The following KCNQ1 variants were observed in gnomAD, a reference collection of about 807,000 sequenced individuals.
KCNQ1 encodes the protein potassium voltage-gated channel subfamily Q member 1.
A neutral mutation model predicts 72.4 loss-of-function variants in KCNQ1; 49 were observed. The observed-to-expected ratio is 0.68, with a 90% CI of 0.54 to 0.86. The LOEUF is 0.86. Among genes scored for constraint, KCNQ1 ranks in the 40% least tolerant of loss-of-function variants. The pLI, the probability that KCNQ1 is intolerant of heterozygous loss-of-function variation, is 0.00. For missense variants in KCNQ1, 790 were observed against 945.1 expected, an observed-to-expected ratio of 0.84 and a Z score of 2.15; for synonymous variants, 450 against 412.6, an observed-to-expected ratio of 1.09 and a Z score of -1.10.
In KCNQ1 at chr11:2,720,696, C is replaced by T. The variant is rs1281613815; in HGVS notation, c.1515-48148C>T. 3.3e-5 allele frequency among the ~76,000 whole-genome samples: 5 copies of T among 152,178 alleles called. No individual in the cohort carries two copies. The highest frequency in any genetic ancestry group is 9.7e-5 in the African/African-American group (4 of 41,436). On this transcript the variant is annotated intron_variant, in intron 11 of 15. Transcript: ENST00000155840. This position sits in a 1 kb window ranked among gnomAD's most constrained non-coding sequence, Gnocchi z 5.1. ...CAGCATTAGCCACCACCAGCCCCTT[C>T]CCCCTTTTGCAGGGCGGCTCCCAGA...
rs982209684 is a variant in KCNQ1 at position 2,450,972 on chromosome 11, A to T, written c.386+5488A>T. Among the ~76,000 whole-genome samples, 4 of 151,862 alleles carry T rather than the reference A, an allele frequency of 2.6e-5. No homozygotes were observed. The highest frequency in any genetic ancestry group is 9.7e-5 in the African/African-American group (4 of 41,288). Reference sequence around the variant, plus strand: ...GGAGGTGGGGAAGATCCATGATGGGACCCAGGTGTCTTCCCACTTCTCGAC... The same window carrying T: ...GGAGGTGGGGAAGATCCATGATGGGTCCCAGGTGTCTTCCCACTTCTCGAC... On this transcript the variant is annotated intron_variant, in intron 1 of 15. Coordinates refer to ENST00000155840, the MANE Select transcript of KCNQ1 (RefSeq NM_000218.3). This position sits in a 1 kb window ranked among gnomAD's most constrained non-coding sequence, Gnocchi z 7.9.
chr11:2,733,641 C>T (rs1339471443), intron 11 of KCNQ1, among the ~76,000 whole-genome samples: 2 of 151,960 alleles, frequency 1.3e-5, no homozygotes, highest in African/African-American at 4.8e-5. Context: ...AACAGCCAGG[C>T]CTGGGCAGCC....
rs1469061668 is a variant in KCNQ1 at position 2,787,579 on chromosome 11, TTACAA to T, written c.1794+9545_1794+9549del. Among the ~76,000 whole-genome samples, 1 of 152,192 alleles carries T rather than the reference TTACAA, an allele frequency of 6.6e-6. No individual in the cohort carries two copies. Among genetic ancestry groups the T allele is most frequent in the African/African-American group, 2.4e-5 (1 of 41,458 alleles). On this transcript the variant is annotated intron_variant, in intron 15 of 15. Transcript: ENST00000155840. This position sits in a 1 kb window ranked among gnomAD's most constrained non-coding sequence, Gnocchi z 6.3. ...ATTTAAAAGAAATAAGTAAAATTGA[TTACAA>T]TAATATATTTTATTTAACCCAATAG...
rs1027701196 is a variant in KCNQ1 at position 2,787,974 on chromosome 11, G to A, written c.1794+9937G>A. ...TTCAGCTATGGGACAGCGCTGCTTT[G>A]GACGGGCATGGCCGTGCGCGCGTGT... On this transcript the variant is annotated intron_variant, in intron 15 of 15. Coordinates refer to ENST00000155840, the MANE Select transcript of KCNQ1 (RefSeq NM_000218.3). This position sits in a 1 kb window ranked among gnomAD's most constrained non-coding sequence, Gnocchi z 6.3. Among the ~76,000 whole-genome samples, 1 of 152,186 alleles carries A rather than the reference G, an allele frequency of 6.6e-6. No individual in the cohort carries two copies. The highest frequency in any genetic ancestry group is 1.5e-5 in the Non-Finnish European group (1 of 68,040).
At position 2,711,310 on chromosome 11, in the gene KCNQ1, A is replaced by C. The variant is rs1851001091; in HGVS notation, c.1514+49229A>C. Among the ~76,000 whole-genome samples the C allele has an allele frequency of 6.6e-6, 1 of 152,098 alleles. No individual in the cohort carries two copies. The highest frequency in any genetic ancestry group is 1.5e-5 in the Non-Finnish European group (1 of 68,010). On this transcript the variant is annotated intron_variant, in intron 11 of 15. Coordinates refer to ENST00000155840, the MANE Select transcript of KCNQ1 (RefSeq NM_000218.3). The surrounding 1 kb of genome is among the most constrained non-coding windows in gnomAD (Gnocchi z 5.4). ...GAGTCTCTCCCCGACTCCAGGGCTCATGGCCCCTTTCAGGCCCTTGGCTTC... is the reference window on the plus strand; with the variant it reads ...GAGTCTCTCCCCGACTCCAGGGCTCCTGGCCCCTTTCAGGCCCTTGGCTTC...
intron 8 of KCNQ1, among the ~76,000 whole-genome samples, chr11:2,586,925 G>A (rs1589968108): frequency 3.9e-5 from 6 of 152,212 alleles, no homozygotes; most frequent in Admixed American, 2.6e-4. Context: ...CTGCTCCCCC[G>A]CCGGGTCCCC....
intron 10 of KCNQ1, chr11:2,618,717 A>C (rs1195684369): frequency 2.5e-6 from 1 of 398,448 alleles, no homozygotes; most frequent in Non-Finnish European, 4.4e-6. Context: ...AGAATTTAAA[A>C]AAATTTTCCA....
At chr11:2,454,288 T>G (rs1846154931) in intron 1 of KCNQ1, among the ~76,000 whole-genome samples, 1 of 152,206 alleles carries the variant, frequency 6.6e-6, no homozygotes, top group Admixed American at 6.5e-5. Context: ...GATTTCACTT[T>G]GAAGCCATGT....
At chr11:2,530,310 G>A (rs991813839) in intron 2 of KCNQ1, among the ~76,000 whole-genome samples, 12 of 152,202 alleles carry the variant, frequency 7.9e-5, no homozygotes, top group African/African-American at 2.2e-4. Flanking sequence ...GTTCTGCCCC[G>A]GCCAACTGAC....
rs921787266 is a variant in KCNQ1 at position 2,673,569 on chromosome 11, A to G, written c.1514+11488A>G. 4.0e-5 allele frequency: 16 copies of G among 398,618 alleles called. No homozygotes were observed. Among genetic ancestry groups the G allele is most frequent in the African/African-American group, 2.9e-4 (14 of 48,642 alleles). 24.7% of individuals were successfully genotyped at this position (398,618 alleles called of 1,614,324 possible). Reference sequence around the variant, plus strand: ...ATCCCCTCCCTGGCCATGCAGGTGGAAGACCCTATTACTTGGGCTAAAGAG... The same window carrying G: ...ATCCCCTCCCTGGCCATGCAGGTGGGAGACCCTATTACTTGGGCTAAAGAG... On this transcript the variant is annotated intron_variant, in intron 11 of 15. Transcript: ENST00000155840. This position sits in a 1 kb window ranked among gnomAD's most constrained non-coding sequence, Gnocchi z 4.5.
intron 12 of KCNQ1, among the ~76,000 whole-genome samples, chr11:2,774,006 C>G (rs984971469): frequency 4.6e-5 from 7 of 151,872 alleles, no homozygotes; most frequent in Non-Finnish European, 7.4e-5. Context: ...AAGACAGAGA[C>G]AGGGTTCAGC....
intron 5 of KCNQ1, among the ~76,000 whole-genome samples, 178 bp from the exon 6 acceptor site, chr11:2,572,668 C>G (rs1027025309): frequency 6.6e-6 from 1 of 152,254 alleles, no homozygotes; most frequent in African/African-American, 2.4e-5. Context: ...AACCCCCACC[C>G]GCCACTTACC....
At chr11:2,738,824 C>T (rs776820447) in intron 11 of KCNQ1, among the ~76,000 whole-genome samples, 32 of 152,222 alleles carry the variant, frequency 2.1e-4, no homozygotes, top group Non-Finnish European at 3.2e-4. Flanking sequence ...ACTGGCCTTC[C>T]GCAGACACTC....
At position 2,623,949 on chromosome 11, in the gene KCNQ1, A is replaced by G; in HGVS notation, c.1393+35095A>G. On this transcript the variant is annotated intron_variant, in intron 10 of 15. Coordinates refer to ENST00000155840, the MANE Select transcript of KCNQ1 (RefSeq NM_000218.3). This position sits in a 1 kb window ranked among gnomAD's most constrained non-coding sequence, Gnocchi z 5.2. Reference sequence around the variant, plus strand: ...TTTTTAATTCTTTGAAGAACCACCAAACTCTTCTCCACCAGGGCTGCACCA... The same window carrying G: ...TTTTTAATTCTTTGAAGAACCACCAGACTCTTCTCCACCAGGGCTGCACCA... The G allele has an allele frequency of 2.5e-6, 1 of 398,634 alleles. No homozygotes were observed. Among genetic ancestry groups the G allele is most frequent in the Non-Finnish European group, 4.4e-6 (1 of 226,076 alleles). 24.7% of individuals were successfully genotyped at this position (398,634 alleles called of 1,614,324 possible).
At position 2,687,961 on chromosome 11, in the gene KCNQ1, C is replaced by T. The variant is rs1349359147; in HGVS notation, c.1514+25880C>T. 2 of 398,650 alleles carry T rather than the reference C, an allele frequency of 5.0e-6. No homozygotes were observed. Among genetic ancestry groups the T allele is most frequent in the Non-Finnish European group, 8.8e-6 (2 of 226,178 alleles). The allele number at this position is 398,650 out of a possible 1,614,324, so 24.7% of individuals were successfully genotyped here. A position where few individuals can be genotyped will look rare whatever the true frequency, so the allele number is the denominator to read the frequency against. On this transcript the variant is annotated intron_variant, in intron 11 of 15. Coordinates refer to ENST00000155840, the MANE Select transcript of KCNQ1 (RefSeq NM_000218.3). The surrounding 1 kb of genome is among the most constrained non-coding windows in gnomAD (Gnocchi z 5.0). ...CCCACCCGCTGTGGGTCAGCCAGGC[C>T]GCTGCTTCCTGCTTCCCTTTGATGT... is the stretch of plus-strand genomic sequence containing the variant.
chr11:2,622,705 T>G (rs1849195040), intron 10 of KCNQ1: 1 of 398,616 alleles, frequency 2.5e-6, no homozygotes, highest in African/African-American at 2.1e-5. Flanking sequence ...TATGTGTGTA[T>G]GTGTATTTTA....
rs528998813 is a variant in KCNQ1 at position 2,566,703 on chromosome 11, G to A, written c.478-3925G>A. ...GGACGGCTCTTCTTCTCGTATCTAC[G>A]GGGCAGAGCTCAGGGCCGCACTCCA... On this transcript the variant is annotated intron_variant, in intron 2 of 15. Transcript: ENST00000155840. The surrounding 1 kb of genome is among the most constrained non-coding windows in gnomAD (Gnocchi z 6.7). Among the ~76,000 whole-genome samples the A allele has an allele frequency of 5.9e-5, 9 of 152,252 alleles. No individual in the cohort carries two copies. In the South Asian group the frequency reaches 1.0e-3, roughly 18 times the overall value.
chr11:2,731,259 G>A (rs2133940730), intron 11 of KCNQ1, among the ~76,000 whole-genome samples: 1 of 152,358 alleles, frequency 6.6e-6, no homozygotes, highest in East Asian at 1.9e-4. Context: ...AGCCAAGGGT[G>A]GCAGGCGGAA....
chr11:2,776,220 C>T (rs533638297), intron 13 of KCNQ1, among the ~76,000 whole-genome samples, 166 bp downstream of exon 13: 1 of 152,150 alleles, frequency 6.6e-6, no homozygotes, highest in African/African-American at 2.4e-5. Context: ...GGGAGGGCAG[C>T]TGGCCACGGC....
Sources: gnomAD v4.1 joint callset for allele counts (sites outside exome capture counted in the v4.1 genomes callset) on GRCh38, gnomAD v4.1.1 for gene constraint, Gnocchi (gnomAD v3.1) non-coding constraint, MANE v1.5 for transcripts, NCBI Gene and HGNC (gene_info 2026-07-23, HGNC 2026-07-21) for gene names.